QKI: variants seen among roughly 807,000 people sequenced by gnomAD.
QKI encodes QKI, KH domain containing RNA binding, also known as KH domain-containing RNA-binding protein QKI.
Under a neutral mutation model 39.0 loss-of-function variants are expected in QKI, and 10 were observed. The observed-to-expected ratio is 0.26, with a 90% confidence interval of 0.16 to 0.43. QKI has a LOEUF of 0.43. Among genes scored for constraint, QKI ranks in the 20% least tolerant of loss-of-function variants. The pLI, the probability that QKI is intolerant of heterozygous loss-of-function variation, is 1.00. For missense variants in QKI, 218 were observed against 428.0 expected (o/e 0.51, Z 4.33); for synonymous variants, 204 against 155.4 (o/e 1.31, Z -2.33).
intron 3 of QKI, among the ~76,000 whole-genome samples, chr6:163,491,349 G>A (rs1476349431): frequency 1.3e-5 from 2 of 152,154 alleles, no homozygotes; most frequent in Non-Finnish European, 2.9e-5. Flanking sequence ...TGTACTTGTA[G>A]GCTGCACTTC....
intron 6 of QKI, chr6:163,564,494 A>G: frequency 5.6e-6 from 8 of 1,433,214 alleles, no homozygotes; most frequent in Non-Finnish European, 7.3e-6. Flanking sequence ...ATTAAACATG[A>G]GAGATACTCT....
intron 7 of QKI, chr6:163,569,913 A>G (rs1783605611): frequency 1.0e-6 from 1 of 987,200 alleles, no homozygotes; most frequent in Non-Finnish European, 1.2e-6. Flanking sequence ...GCAGGATTTT[A>G]CAGTGTTTAC....
intron 3 of QKI, among the ~76,000 whole-genome samples, chr6:163,514,124 T>C (rs1779650734): frequency 6.6e-6 from 1 of 152,164 alleles, no homozygotes; most frequent in African/African-American, 2.4e-5. Context: ...CATTGAGGGC[T>C]GCTCAGAGCT....
At chr6:163,491,812 T>C (rs1221304773) in intron 3 of QKI, among the ~76,000 whole-genome samples, 1 of 152,196 alleles carries the variant, frequency 6.6e-6, no homozygotes, top group Non-Finnish European at 1.5e-5. Flanking sequence ...CCAATAAGAA[T>C]AGACTTTTGT....
intron 1 of QKI, among the ~76,000 whole-genome samples, chr6:163,433,602 T>A (rs1462599372): frequency 6.6e-6 from 1 of 152,018 alleles, no homozygotes; most frequent in African/African-American, 2.4e-5. Context: ...CCATCTCTAC[T>A]AAAAATATAC....
chr6:163,552,206 C>CTTTTTT (rs35060699), intron 4 of QKI, among the ~76,000 whole-genome samples: 33 of 101,754 alleles, frequency 3.2e-4, no homozygotes, highest in African/African-American at 6.9e-4. Context: ...TTCGTTCGTT[C>CTTTTTT]TTTTTTTTTT....
chr6:163,455,205 C>A, intron 1 of QKI, 74 bp from the exon 2 acceptor site: 2 of 1,236,974 alleles, frequency 1.6e-6, no homozygotes, highest in Non-Finnish European at 2.2e-6. Context: ...CCCTCCCCTG[C>A]CCTCTCTTTT....
intron 3 of QKI, among the ~76,000 whole-genome samples, chr6:163,526,180 C>A (rs998706357): frequency 6.6e-6 from 1 of 151,806 alleles, no homozygotes; most frequent in Admixed American, 6.6e-5. Context: ...TCTGGTAGGA[C>A]CTGGAAGGGG....
chr6:163,433,900 G>A (rs756564388), intron 1 of QKI, among the ~76,000 whole-genome samples: 4 of 152,052 alleles, frequency 2.6e-5, no homozygotes, highest in Non-Finnish European at 5.9e-5. Context: ...TGAAATGAAA[G>A]TTTCATGAAA....
intron 4 of QKI, among the ~76,000 whole-genome samples, chr6:163,551,026 A>G (rs1175430495): frequency 1.3e-5 from 2 of 151,818 alleles, no homozygotes; most frequent in Non-Finnish European, 2.9e-5. Flanking sequence ...AGCCAATGTG[A>G]ATGTTATCTA....
At chr6:163,528,814 A>G (rs965225371) in intron 3 of QKI, among the ~76,000 whole-genome samples, 5 of 152,128 alleles carry the variant, frequency 3.3e-5, no homozygotes, top group East Asian at 1.9e-4. Flanking sequence ...GCTATTTTCC[A>G]TTTCCATGGA....
At chr6:163,430,829 A>G (rs1788766575) in intron 1 of QKI, among the ~76,000 whole-genome samples, 1 of 152,164 alleles carries the variant, frequency 6.6e-6, no homozygotes, top group Non-Finnish European at 1.5e-5. Flanking sequence ...AGTGTGTTCC[A>G]TGGAATACTG....
At position 163,568,191 on chromosome 6, in the gene QKI, G is replaced by A. The variant is rs1160650017; in HGVS notation, c.1009+1396G>A. 10 of 983,756 alleles carry A rather than the reference G, an allele frequency of 1.0e-5. No homozygotes were observed. In the South Asian group the frequency reaches 2.8e-4, roughly 28 times the overall value. 60.9% of individuals were successfully genotyped at this position (983,756 alleles called of 1,614,324 possible). On this transcript the variant is annotated intron_variant, in intron 7 of 7. Transcript: ENST00000361752. ...CTGGACAATTCCATGAATAATTTGAGGTTTTATTCATATTGCTAATGTCTA... is the reference window on the plus strand; with the variant it reads ...CTGGACAATTCCATGAATAATTTGAAGTTTTATTCATATTGCTAATGTCTA...
In QKI at chr6:163,571,365, C is replaced by T. The variant is rs1253900889; in HGVS notation, c.*655C>T. On this transcript the variant is annotated 3_prime_UTR_variant, in exon 8 of 8. Coordinates refer to ENST00000361752, the MANE Select transcript of QKI (RefSeq NM_006775.3). ...ACTTAAGGAGTTTTGAAAAGTAATG[C>T]AAATAACAAAACTGCAACACTATTT... 1 of 152,010 alleles carries T rather than the reference C, an allele frequency of 6.6e-6. No homozygotes were observed. Among genetic ancestry groups the T allele is most frequent in the African/African-American group, 2.4e-5 (1 of 41,390 alleles). 9.4% of individuals were successfully genotyped at this position (152,010 alleles called of 1,614,324 possible). A position where few individuals can be genotyped will look rare whatever the true frequency, so the allele number is the denominator to read the frequency against.
At chr6:163,433,212 T>C (rs1788975420) in intron 1 of QKI, among the ~76,000 whole-genome samples, 1 of 152,200 alleles carries the variant, frequency 6.6e-6, no homozygotes, top group Admixed American at 6.5e-5. Flanking sequence ...TTTAGGTACA[T>C]GGTAACTGCA....
At chr6:163,548,658 A>AGAGACT (rs1782036519) in intron 4 of QKI, among the ~76,000 whole-genome samples, 1 of 152,176 alleles carries the variant, frequency 6.6e-6, no homozygotes, top group Non-Finnish European at 1.5e-5. Context: ...GCAGAGTGAG[A>AGAGACT]GAGATTGAGG....
At chr6:163,560,442 C>G (rs995707739) in intron 4 of QKI, among the ~76,000 whole-genome samples, 1 of 152,096 alleles carries the variant, frequency 6.6e-6, no homozygotes, top group Non-Finnish European at 1.5e-5. Flanking sequence ...CTACTGTAAT[C>G]TAGGGATGGC....
At chr6:163,505,544 A>G (rs965971076) in intron 3 of QKI, among the ~76,000 whole-genome samples, 3 of 152,066 alleles carry the variant, frequency 2.0e-5, no homozygotes, top group African/African-American at 7.2e-5. Context: ...GTCAAAGGAG[A>G]TTTTGGAGCT....
intron 4 of QKI, among the ~76,000 whole-genome samples, chr6:163,551,977 A>G (rs751800556): frequency 1.3e-5 from 2 of 152,122 alleles, no homozygotes; most frequent in African/African-American, 2.4e-5. Flanking sequence ...TTGAAAATCC[A>G]CGTATAATTT....
Sources: allele counts gnomAD v4.1 joint callset (sites outside exome capture counted in the v4.1 genomes callset), GRCh38; gene constraint gnomAD v4.1.1; transcripts MANE v1.5; gene names NCBI Gene and HGNC (gene_info 2026-07-23, HGNC 2026-07-21).